ALDH9A1: variants seen among roughly 807,000 people sequenced by gnomAD.
ALDH9A1 encodes 4-trimethylaminobutyraldehyde dehydrogenase.
In ALDH9A1, 42 loss-of-function variants were observed where a neutral mutation model predicts 56.6. That is an observed-to-expected ratio of 0.74 (90% confidence interval 0.58 to 0.96). The LOEUF (loss-of-function observed/expected upper bound fraction) is 0.96, where lower values mean the gene tolerates loss of function less well. Among genes scored for constraint, ALDH9A1 ranks in the 40% least tolerant of loss-of-function variants. ALDH9A1 has a pLI of 0.00. For synonymous variants in ALDH9A1, 242 were observed against 236.0 expected (o/e 1.03, Z -0.23); for missense variants, 661 against 651.5 (o/e 1.01, Z -0.16).
intron 2 of ALDH9A1, among the ~76,000 whole-genome samples, chr1:165,694,145 T>C (rs1443956798): frequency 6.6e-6 from 1 of 150,480 alleles, no homozygotes; most frequent in Non-Finnish European, 1.5e-5. Flanking sequence ...CAAACCAACA[T>C]GGCACTTGTA....
At chr1:165,692,642 A>C (rs1255708556) in intron 2 of ALDH9A1, among the ~76,000 whole-genome samples, 1 of 152,182 alleles carries the variant, frequency 6.6e-6, no homozygotes, top group Non-Finnish European at 1.5e-5. Flanking sequence ...ATACTGCCCA[A>C]GGTAATTTAT....
chr1:165,667,058 T>A (rs1052311009), intron 9 of ALDH9A1, among the ~76,000 whole-genome samples: 3 of 151,300 alleles, frequency 2.0e-5, no homozygotes, highest in African/African-American at 7.3e-5. Context: ...CCCAATGCTT[T>A]ACATAGATCA....
intron 4 of ALDH9A1, among the ~76,000 whole-genome samples, chr1:165,681,030 G>T (rs1228072397): frequency 6.6e-6 from 1 of 152,114 alleles, no homozygotes; most frequent in South Asian, 2.1e-4. Context: ...CAGATCTCAT[G>T]AGACTTATTC....
Position 165,662,720 on chromosome 1 carries a change from T to C in ALDH9A1, c.*330A>G, listed in dbSNP as rs1200880123. On this transcript the variant is annotated 3_prime_UTR_variant, in exon 11 of 11. Coordinates refer to ENST00000354775, the MANE Select transcript of ALDH9A1 (RefSeq NM_000696.4). ...AGTTCTTTGAAATACGCCAGAGAAT[T>C]AACATTATCAGTGGGCCAAATGTGT... is the stretch of plus-strand genomic sequence containing the variant. 4.4e-6 allele frequency: 1 copy of C among 227,368 alleles called. No individual in the cohort carries two copies. Among genetic ancestry groups the C allele is most frequent in the African/African-American group, 2.3e-5 (1 of 43,554 alleles). The allele number at this position is 227,368 out of a possible 1,614,324, so 14.1% of individuals were successfully genotyped here. A position where few individuals can be genotyped will look rare whatever the true frequency, so the allele number is the denominator to read the frequency against.
chr1:165,689,036 T>A (rs1272442428), intron 2 of ALDH9A1, among the ~76,000 whole-genome samples: 1 of 152,068 alleles, frequency 6.6e-6, no homozygotes, highest in Non-Finnish European at 1.5e-5. Context: ...CCAGGATCAA[T>A]AAAAGTCATT....
intron 6 of ALDH9A1, 67 bp from the exon 7 acceptor site, chr1:165,669,517 AAC>A (rs1649111267): frequency 7.3e-7 from 1 of 1,365,434 alleles, no homozygotes; most frequent in Non-Finnish European, 9.9e-7. Flanking sequence ...AGGAAAAATG[AAC>A]ACAATCTAAA....
At chr1:165,669,203 T>C in intron 7 of ALDH9A1, 59 bp downstream of exon 7, 3 of 1,471,214 alleles carry the variant, frequency 2.0e-6, no homozygotes, top group Non-Finnish European at 2.8e-6. Flanking sequence ...GCACAAAGCA[T>C]GTGATTTAGG....
intron 6 of ALDH9A1, 139 bp downstream of exon 6, chr1:165,679,303 G>A: frequency 3.3e-6 from 3 of 916,376 alleles, no homozygotes; most frequent in Non-Finnish European, 1.6e-6. Flanking sequence ...CTGGTTCAAA[G>A]GTACATGGGA....
intron 3 of ALDH9A1, 69 bp downstream of exon 3, chr1:165,682,912 C>A: frequency 6.5e-7 from 1 of 1,528,862 alleles, no homozygotes; most frequent in Admixed American, 2.0e-5. Flanking sequence ...AAAATCTTTG[C>A]CCTTCACCAC....
At chr1:165,683,149 C>A (rs1419951054) in intron 2 of ALDH9A1, 39 bp from the exon 3 acceptor site, 1 of 1,593,596 alleles carries the variant, frequency 6.3e-7, no homozygotes, top group East Asian at 2.2e-5. Context: ...AGACATATTC[C>A]AATATGTCTT....
chr1:165,683,214 G>T, intron 2 of ALDH9A1, 104 bp from the exon 3 acceptor site: 1 of 1,193,286 alleles, frequency 8.4e-7, no homozygotes, highest in Non-Finnish European at 1.2e-6. Flanking sequence ...ACTAAAAATA[G>T]CTTTCACTTT....
chr1:165,695,463 T>C (rs1650044310), intron 1 of ALDH9A1, 66 bp from the exon 2 acceptor site: 1 of 1,259,196 alleles, frequency 7.9e-7, no homozygotes, highest in Non-Finnish European at 1.1e-6. Context: ...AAATATTATC[T>C]ATCAATATTC....
chr1:165,667,488 A>G, intron 8 of ALDH9A1, 38 bp from the exon 9 acceptor site: 1 of 1,607,426 alleles, frequency 6.2e-7, no homozygotes, highest in Non-Finnish European at 8.5e-7. Context: ...AGCAGCTGGG[A>G]CCACAGTGTG....
At chr1:165,677,283 G>T (rs1649393281) in intron 6 of ALDH9A1, among the ~76,000 whole-genome samples, 1 of 152,118 alleles carries the variant, frequency 6.6e-6, no homozygotes, top group African/African-American at 2.4e-5. Flanking sequence ...GTTTGACCTT[G>T]GAGGGGCCGA....
chr1:165,689,968 T>G (rs1266767302), intron 2 of ALDH9A1, among the ~76,000 whole-genome samples: 2 of 147,252 alleles, frequency 1.4e-5, no homozygotes, highest in African/African-American at 5.0e-5. Context: ...CAGAAATTAG[T>G]GCTAAGGTAT....
intron 6 of ALDH9A1, among the ~76,000 whole-genome samples, chr1:165,674,919 C>T (rs1049651286): frequency 6.6e-6 from 1 of 152,072 alleles, no homozygotes; most frequent in Non-Finnish European, 1.5e-5. Context: ...TCATGCCAGG[C>T]GTGGTGGCTC....
chr1:165,682,745 T>C (rs1649590967), intron 3 of ALDH9A1: 4 of 456,760 alleles, frequency 8.8e-6, no homozygotes, highest in Non-Finnish European at 1.5e-5. Flanking sequence ...TCAGGTATCA[T>C]GCTAGGTGCT....
At chr1:165,693,206 T>C (rs1204250950) in intron 2 of ALDH9A1, among the ~76,000 whole-genome samples, 1 of 152,098 alleles carries the variant, frequency 6.6e-6, no homozygotes, top group African/African-American at 2.4e-5. Flanking sequence ...AAAGCCAAAA[T>C]AGACAAATGG....
In ALDH9A1 at chr1:165,669,538, A is replaced by G. The variant is rs2101736667; in HGVS notation, c.931-88T>C. The G allele has an allele frequency of 5.1e-6, 6 of 1,178,898 alleles. No individual in the cohort carries two copies. The East Asian group carries it at 1.5e-4, about 29-fold the overall frequency. The allele number at this position is 1,178,898 out of a possible 1,614,324, so 73.0% of individuals were successfully genotyped here. ...AATGAACACAATCTAAAAACTTTAA[A>G]CTGAAAAGAGACACTATACATTTTT... On this transcript the variant is annotated intron_variant, in intron 6 of 10. Coordinates refer to ENST00000354775, the MANE Select transcript of ALDH9A1 (RefSeq NM_000696.4).
Sources: allele counts gnomAD v4.1 joint callset (sites outside exome capture counted in the v4.1 genomes callset), GRCh38; gene constraint gnomAD v4.1.1; transcripts MANE v1.5; gene names NCBI Gene and HGNC (gene_info 2026-07-23, HGNC 2026-07-21).